The following MRPL1 variants were observed in gnomAD, a reference collection of about 807,000 sequenced individuals.
MRPL1 encodes the protein mitochondrial ribosomal protein L1.
In MRPL1, 28 loss-of-function variants were observed where a neutral mutation model predicts 38.0. The observed-to-expected ratio is 0.74, with a 90% CI of 0.55 to 1.01. The LOEUF (loss-of-function observed/expected upper bound fraction) is 1.01. Ranked by LOEUF, MRPL1 falls within the 50% of genes least tolerant of loss-of-function variation. The pLI is 0.00. For synonymous variants in MRPL1, 123 were observed against 126.7 expected (o/e 0.97, Z 0.20); for missense variants, 358 against 389.8 (o/e 0.92, Z 0.69).
chr4:77,877,209 G>T (rs892306130), intron 2 of MRPL1, among the ~76,000 whole-genome samples: 2 of 152,116 alleles, frequency 1.3e-5, no homozygotes, highest in East Asian at 1.9e-4. Context: ...CTGACAATGG[G>T]TTTTTTTCTT....
chr4:77,918,511 A>G (rs1736477441), intron 7 of MRPL1, among the ~76,000 whole-genome samples: 1 of 152,174 alleles, frequency 6.6e-6, no homozygotes, highest in Admixed American at 6.5e-5. Flanking sequence ...ATACAGAATA[A>G]GCAATTTCTT....
intron 6 of MRPL1, among the ~76,000 whole-genome samples, chr4:77,900,957 G>T (rs747578362): frequency 6.6e-6 from 1 of 151,858 alleles, no homozygotes; most frequent in Non-Finnish European, 1.5e-5. Flanking sequence ...TGGATATTAA[G>T]AATTAGAATT....
chr4:77,889,921 C>T (rs1287555301), intron 5 of MRPL1, among the ~76,000 whole-genome samples: 1 of 152,148 alleles, frequency 6.6e-6, no homozygotes, highest in Non-Finnish European at 1.5e-5. Flanking sequence ...CCTCCCAAGA[C>T]TAAACCAGGA....
intron 6 of MRPL1, among the ~76,000 whole-genome samples, chr4:77,898,392 TTGAA>T (rs35144776): frequency 0.5 from 75,477 of 150,782 alleles, 19,431 homozygotes; most frequent in Admixed American, 0.56. Context: ...CTACAAATAT[TTGAA>T]TGAATGAATG....
intron 2 of MRPL1, among the ~76,000 whole-genome samples, chr4:77,878,838 C>T (rs893283821): frequency 6.6e-6 from 1 of 152,066 alleles, no homozygotes; most frequent in Non-Finnish European, 1.5e-5. Context: ...CAGATCGCAC[C>T]ACTGCACTCC....
chr4:77,877,778 C>T (rs1005614205), intron 2 of MRPL1, among the ~76,000 whole-genome samples: 1 of 151,684 alleles, frequency 6.6e-6, no homozygotes, highest in African/African-American at 2.4e-5. Flanking sequence ...ATACTGGGCT[C>T]TGGACTATTT....
chr4:77,919,839 A>G (rs1736523363), intron 7 of MRPL1, among the ~76,000 whole-genome samples: 1 of 143,754 alleles, frequency 7.0e-6, no homozygotes, highest in African/African-American at 2.7e-5. Flanking sequence ...TCCATGTTAT[A>G]TATATATATA....
At chr4:77,863,154 C>T in intron 1 of MRPL1, 4 of 519,148 alleles carry the variant, frequency 7.7e-6, no homozygotes, top group East Asian at 6.6e-5. Context: ...ACTGGGTCGT[C>T]TCTGATACTG....
rs1204416900 is a variant in MRPL1, at chr4:77,937,220, C to T, written c.778-12577C>T. Among the ~76,000 whole-genome samples, 3 of 152,222 alleles carry T rather than the reference C, an allele frequency of 2.0e-5. No individual in the cohort carries two copies. In the East Asian group the frequency reaches 5.8e-4, roughly 29 times the overall value. On this transcript the variant is annotated intron_variant, in intron 7 of 8. Coordinates refer to ENST00000315567, the MANE Select transcript of MRPL1 (RefSeq NM_020236.4). ...TGTGCCCGGTACTACTTCCCTTCTG[C>T]GTTAGACGCACGCATACTAGACAGA...
intron 7 of MRPL1, among the ~76,000 whole-genome samples, chr4:77,918,119 A>T (rs1245209882): frequency 6.6e-6 from 1 of 152,242 alleles, no homozygotes; most frequent in East Asian, 1.9e-4. Flanking sequence ...AAAAGTAGCA[A>T]TGATTGTTTG....
intron 2 of MRPL1, among the ~76,000 whole-genome samples, chr4:77,877,285 T>C (rs370415461): frequency 6.6e-6 from 1 of 152,324 alleles, no homozygotes; most frequent in East Asian, 1.9e-4. Flanking sequence ...TATTTACGCC[T>C]GCAAACAGGC....
intron 6 of MRPL1, among the ~76,000 whole-genome samples, chr4:77,900,943 T>C (rs1736021503): frequency 6.6e-6 from 1 of 151,782 alleles, no homozygotes; most frequent in Non-Finnish European, 1.5e-5. Context: ...AGGAAAGATG[T>C]TGTTGGATAT....
rs117528241 is a variant in MRPL1 at position 77,883,909 on chromosome 4, T to G, written c.402+409T>G. On this transcript the variant is annotated intron_variant, in intron 3 of 8. Coordinates refer to ENST00000315567, the MANE Select transcript of MRPL1 (RefSeq NM_020236.4). ...TTTTAAAAATTATTGCCTCTCATAA[T>G]TTTTAGAAAACTTCATGCTCTTTCT... Among the ~76,000 whole-genome samples, 154 of 152,320 alleles carry G rather than the reference T, an allele frequency of 1.0e-3. 3 individuals are homozygous for G. In the East Asian group the frequency reaches 0.024, roughly 24 times the overall value.
At chr4:77,865,654 A>G (rs1460745706) in intron 1 of MRPL1, among the ~76,000 whole-genome samples, 1 of 152,138 alleles carries the variant, frequency 6.6e-6, no homozygotes, top group African/African-American at 2.4e-5. Flanking sequence ...GCTCTGAGCC[A>G]CTGCACCTGG....
intron 1 of MRPL1, among the ~76,000 whole-genome samples, chr4:77,864,045 CAA>C (rs1560456656): frequency 7.3e-6 from 1 of 136,278 alleles, no homozygotes; most frequent in African/African-American, 2.7e-5. Context: ...AAAACTGTGT[CAA>C]GAGAGTTATT....
chr4:77,909,961 G>T (rs1736246785), intron 7 of MRPL1, among the ~76,000 whole-genome samples: 1 of 152,096 alleles, frequency 6.6e-6, no homozygotes, highest in Non-Finnish European at 1.5e-5. Context: ...TTATACTAAA[G>T]AATCTCTAAA....
At chr4:77,904,275 C>T (rs1471216835) in intron 6 of MRPL1, among the ~76,000 whole-genome samples, 2 of 151,560 alleles carry the variant, frequency 1.3e-5, no homozygotes, top group South Asian at 2.1e-4. Context: ...AAAGTTTGTC[C>T]GGGCATGCTG....
intron 2 of MRPL1, among the ~76,000 whole-genome samples, chr4:77,879,767 A>G (rs1735494186): frequency 6.6e-6 from 1 of 152,212 alleles, no homozygotes; most frequent in African/African-American, 2.4e-5. Context: ...GATTTTGTGG[A>G]GTACTTCCAC....
chr4:77,929,898 C>T (rs1162306063), intron 7 of MRPL1, among the ~76,000 whole-genome samples: 3 of 152,008 alleles, frequency 2.0e-5, no homozygotes, highest in Non-Finnish European at 4.4e-5. Context: ...AATGTATAAA[C>T]CTGGGAGGTT....
Sources: gnomAD v4.1 joint callset for allele counts (sites outside exome capture counted in the v4.1 genomes callset) on GRCh38, gnomAD v4.1.1 for gene constraint, MANE v1.5 for transcripts, NCBI Gene and HGNC (gene_info 2026-07-23, HGNC 2026-07-21) for gene names.